Variants in NFATC1 observed in about 807,000 individuals in gnomAD.
NFATC1 encodes the protein nuclear factor of activated T-cells, cytoplasmic 1.
Under a neutral mutation model 76.0 loss-of-function variants are expected in NFATC1, and 22 were observed. The ratio of observed to expected loss-of-function variants is 0.29; its 90% CI spans 0.21 to 0.41. The LOEUF (loss-of-function observed/expected upper bound fraction) is 0.41, where lower values mean the gene tolerates loss of function less well. Ranked by LOEUF, NFATC1 falls within the 10% of genes least tolerant of loss-of-function variation. The pLI is 1.00. For missense variants in NFATC1, 1,357 were observed against 1,337.7 expected (o/e 1.01, Z -0.23); for synonymous variants, 704 against 613.1 (o/e 1.15, Z -2.19).
chr18:79,486,044 C>A (rs932633951), intron 8 of NFATC1, among the ~76,000 whole-genome samples: 6 of 152,082 alleles, frequency 3.9e-5, no homozygotes. Flanking sequence ...GGAAAACAGT[C>A]CTCGCCAGTA....
At chr18:79,482,885 G>A (rs954661653) in intron 8 of NFATC1, among the ~76,000 whole-genome samples, 1 of 145,346 alleles carries the variant, frequency 6.9e-6, no homozygotes, top group African/African-American at 2.6e-5. Flanking sequence ...TGGTTCCTGG[G>A]GTCTCATTCC....
At chr18:79,469,822 G>GC in intron 8 of NFATC1, 1 of 985,316 alleles carries the variant, frequency 1.0e-6, no homozygotes, top group Non-Finnish European at 1.2e-6. Context: ...AGCCCCACCA[G>GC]CCCCCAGGGG....
intron 6 of NFATC1, among the ~76,000 whole-genome samples, chr18:79,455,465 C>T (rs949594323): frequency 6.6e-5 from 10 of 152,166 alleles, no homozygotes; most frequent in South Asian, 4.1e-4. Context: ...ATCTCACAGG[C>T]GGCCGGGGCT....
chr18:79,439,374 G>A (rs1010127201), intron 3 of NFATC1, among the ~76,000 whole-genome samples: 2 of 152,180 alleles, frequency 1.3e-5, no homozygotes, highest in African/African-American at 2.4e-5. Context: ...AGAGGCCCAC[G>A]CACGGGGAGG....
At chr18:79,413,039 T>C (rs974807465) in intron 2 of NFATC1, among the ~76,000 whole-genome samples, 2 of 152,252 alleles carry the variant, frequency 1.3e-5, no homozygotes, top group African/African-American at 4.8e-5. Flanking sequence ...TGCTGTACTA[T>C]CACTGTTATT....
chr18:79,507,126 G>T (rs1318425819), intron 9 of NFATC1, among the ~76,000 whole-genome samples: 1 of 152,226 alleles, frequency 6.6e-6, no homozygotes, highest in Non-Finnish European at 1.5e-5. Context: ...CTGCGGGGAG[G>T]GGGTTATCAG....
intron 9 of NFATC1, among the ~76,000 whole-genome samples, chr18:79,520,965 GGGGGGGCATCCGCTGA>G (rs1569053267): frequency 2.8e-5 from 3 of 108,444 alleles, no homozygotes; most frequent in Non-Finnish European, 3.8e-5. Context: ...GTCTGTGTGT[GGGGGGGCATCCGCTGA>G]TGTGTGTGTC....
chr18:79,475,090 G>A (rs1242640169), intron 8 of NFATC1, among the ~76,000 whole-genome samples: 2 of 115,682 alleles, frequency 1.7e-5, no homozygotes, highest in Non-Finnish European at 3.4e-5. Context: ...ACACTCACTC[G>A]ACGTGAGGGA....
Position 79,527,632 on chromosome 18 carries a change from G to A in NFATC1, c.*55G>A. On this transcript the variant is annotated 3_prime_UTR_variant, in exon 10 of 10. Coordinates refer to ENST00000427363, the MANE Select transcript of NFATC1 (RefSeq NM_001278669.2). ...GGGTATGCTGACTTCAGCAGACAAA[G>A]ACTTTTGAATAAATAAACTGAACTC... The A allele has an allele frequency of 6.6e-7, 1 of 1,521,328 alleles. No homozygotes were observed. The allele number at this position is 1,521,328 out of a possible 1,614,324, so 94.2% of individuals were successfully genotyped here.
At chr18:79,472,337 G>T (rs2088821014) in intron 8 of NFATC1, among the ~76,000 whole-genome samples, 1 of 152,180 alleles carries the variant, frequency 6.6e-6, no homozygotes, top group Non-Finnish European at 1.5e-5. Context: ...TGAGCTGAGG[G>T]GCTCAGAGCA....
At chr18:79,501,088 A>G (rs920627185) in intron 9 of NFATC1, among the ~76,000 whole-genome samples, 2 of 152,188 alleles carry the variant, frequency 1.3e-5, no homozygotes, top group African/African-American at 2.4e-5. Context: ...ACAAAATATT[A>G]TCAAACTGAA....
rs549492905 is a variant in NFATC1 at position 79,470,167 on chromosome 18, G to T, written c.2092+2585G>T. 1,003 of 209,608 alleles carry T rather than the reference G, an allele frequency of 4.8e-3. 7 individuals are homozygous for T. In the Middle Eastern group the frequency reaches 0.056, roughly 12 times the overall value. 13.0% of individuals were successfully genotyped at this position (209,608 alleles called of 1,614,324 possible). On this transcript the variant is annotated intron_variant, in intron 8 of 9. Coordinates refer to ENST00000427363, the MANE Select transcript of NFATC1 (RefSeq NM_001278669.2). Reference sequence around the variant, plus strand: ...GTCCAGCTCAGATGGCTTCTGCCATGTGGTCCGAGAGATAGTTGCCAGCTC... The same window carrying T: ...GTCCAGCTCAGATGGCTTCTGCCATTTGGTCCGAGAGATAGTTGCCAGCTC...
At chr18:79,419,014 C>T (rs578077535) in intron 2 of NFATC1, among the ~76,000 whole-genome samples, 24 of 152,302 alleles carry the variant, frequency 1.6e-4, no homozygotes, top group African/African-American at 5.5e-4. Flanking sequence ...GAGAAAACAA[C>T]GTGGCTTTTT....
intron 3 of NFATC1, among the ~76,000 whole-genome samples, chr18:79,444,813 G>A (rs114218158): frequency 1.0e-3 from 156 of 152,164 alleles, no homozygotes; most frequent in African/African-American, 3.0e-3. Context: ...GCCTGCACAC[G>A]CACACTTCTG....
intron 1 of NFATC1, among the ~76,000 whole-genome samples, chr18:79,403,521 TC>T (rs1169677308): frequency 6.6e-6 from 1 of 152,202 alleles, no homozygotes; most frequent in East Asian, 1.9e-4. Context: ...GTGCCCTGCT[TC>T]CCGCCCCAGG....
At chr18:79,479,044 C>T (rs1356758601) in intron 8 of NFATC1, among the ~76,000 whole-genome samples, 2 of 152,258 alleles carry the variant, frequency 1.3e-5, no homozygotes. Flanking sequence ...GCCATGGACA[C>T]CGCAGCCAGC....
chr18:79,447,073 C>A (rs1253120979), intron 3 of NFATC1, among the ~76,000 whole-genome samples: 1 of 152,154 alleles, frequency 6.6e-6, no homozygotes, highest in Non-Finnish European at 1.5e-5. Flanking sequence ...GCTCTGAGTT[C>A]AGCCGTCGCT....
rs767635830 is a variant in NFATC1 at position 79,411,335 on chromosome 18, G to C, written c.1060G>C (p.Gly354Arg). The change falls in exon 2 of 10, where the codon GGG becomes CGG. Residue 354 changes from glycine (G) to arginine (R), a missense_variant. Gly to Arg is a moderately radical substitution (Grantham distance 125). This residue lies in a region of NFATC1 where 691 missense variants were observed against 613.1 expected (regional missense o/e 1.13). Transcript: ENST00000427363. The stretch of plus-strand genomic sequence containing the variant: ...AGTGGCGCTCAAGGTGGAGCCCGTC[G>C]GGGAGGACCTGGGCAGCCCCCCGCC... ...PSVALKVEPV[G>R]EDLGSPPPPA... The C allele has an allele frequency of 4.4e-6, 7 of 1,598,832 alleles. No homozygotes were observed. Among genetic ancestry groups the C allele is most frequent in the Admixed American group, 3.4e-5 (2 of 58,662 alleles).
chr18:79,460,234 T>C (rs1177302894), intron 6 of NFATC1, among the ~76,000 whole-genome samples: 1 of 152,220 alleles, frequency 6.6e-6, no homozygotes, highest in Non-Finnish European at 1.5e-5. Context: ...TTTGTCTGAT[T>C]TATCAGTAAT....
Sources: allele counts gnomAD v4.1 joint callset (sites outside exome capture counted in the v4.1 genomes callset), GRCh38; gene constraint gnomAD v4.1.1; regional missense constraint gnomAD v4.1.1; transcripts MANE v1.5; gene names NCBI Gene and HGNC (gene_info 2026-07-23, HGNC 2026-07-21).